The following DGKK variants were observed in gnomAD, a reference collection of about 807,000 sequenced individuals.
DGKK encodes 142 kDa diacylglycerol kinase.
In DGKK, 35 loss-of-function variants were observed where a neutral mutation model predicts 92.2. That is an observed-to-expected ratio of 0.38 (90% CI 0.29 to 0.50). The LOEUF is 0.50. DGKK is among the 20% of genes least tolerant of loss of function. The pLI, the probability that DGKK is intolerant of heterozygous loss-of-function variation, is 0.92. For synonymous variants in DGKK, 368 were observed against 360.6 expected (o/e 1.02, Z -0.23); for missense variants, 910 against 992.2 (o/e 0.92, Z 1.11).
chrX:50,369,213 C>T (rs1924049595), intron 27 of DGKK, among the ~76,000 whole-genome samples, 194 bp from the exon 28 acceptor site: 2 of 111,071 alleles, frequency 1.8e-5, no homozygotes, highest in South Asian at 7.7e-4. Context: ...GATGAATTTT[C>T]AGAACCTGAT....
intron 1 of DGKK, among the ~76,000 whole-genome samples, chrX:50,440,455 T>C (rs1557231191): frequency 8.9e-6 from 1 of 111,880 alleles, no homozygotes; most frequent in Non-Finnish European, 1.9e-5. Context: ...TCTACAATTA[T>C]ATACTACGTA....
chrX:50,444,793 CT>C (rs200661074), intron 1 of DGKK, among the ~76,000 whole-genome samples: 6,127 of 110,422 alleles, frequency 0.055, 442 homozygotes, highest in African/African-American at 0.19. Flanking sequence ...ATTTATATTC[CT>C]TTGGGTATAT....
chrX:50,411,352 AG>A (rs1557227937), intron 4 of DGKK, among the ~76,000 whole-genome samples: 4 of 112,609 alleles, frequency 3.6e-5, no homozygotes, highest in African/African-American at 1.3e-4. Context: ...ATACATAAAA[AG>A]AATCATTTAC....
At chrX:50,371,682 A>G in intron 26 of DGKK, 42 bp downstream of exon 26, 3 of 972,281 alleles carry the variant, frequency 3.1e-6, no homozygotes, top group African/African-American at 1.9e-5. Flanking sequence ...CTAAGGAAGA[A>G]TCCCTCTTTC....
At chrX:50,408,927 A>G (rs1925237830) in intron 4 of DGKK, among the ~76,000 whole-genome samples, 1 of 111,317 alleles carries the variant, frequency 9.0e-6, no homozygotes, top group Non-Finnish European at 1.9e-5. Context: ...CAGTGAATGT[A>G]TTTTGCACAT....
At position 50,403,622 on chromosome X, in the gene DGKK, T is replaced by C. The variant is rs138388538; in HGVS notation, c.1079-25A>G. Reference sequence around the variant, plus strand: ...ACTGTGAGAAGAGGAAGAGAAAAGATGGGTGTGAATCTGGTGACAGTGAGG... The same window carrying C: ...ACTGTGAGAAGAGGAAGAGAAAAGACGGGTGTGAATCTGGTGACAGTGAGG... On this transcript the variant is annotated intron_variant, in intron 5 of 27. Coordinates refer to ENST00000611977, the MANE Select transcript of DGKK (RefSeq NM_001013742.4). The C allele has an allele frequency of 3.3e-3, 3,761 of 1,128,614 alleles. 73 individuals are homozygous for C. In the African/African-American group the frequency reaches 0.06, roughly 18 times the overall value. The allele number at this position is 1,128,614 out of a possible 1,213,427, so 93.0% of individuals were successfully genotyped here.
At chrX:50,404,443 A>C (rs1046986907) in intron 4 of DGKK, among the ~76,000 whole-genome samples, 2 of 102,701 alleles carry the variant, frequency 1.9e-5, no homozygotes, top group African/African-American at 7.3e-5. Flanking sequence ...AGGAGTAATT[A>C]TCTTTTTTTT....
At chrX:50,467,358 A>G (rs1263692769) in intron 1 of DGKK, among the ~76,000 whole-genome samples, 1 of 113,013 alleles carries the variant, frequency 8.8e-6, no homozygotes, top group African/African-American at 3.2e-5. Flanking sequence ...AGAGCAGACT[A>G]CAAGGCTGAA....
At chrX:50,446,016 C>T (rs782611155) in intron 1 of DGKK, among the ~76,000 whole-genome samples, 1 of 111,096 alleles carries the variant, frequency 9.0e-6, no homozygotes, top group Admixed American at 9.6e-5. Flanking sequence ...TAGCTGTATT[C>T]TTAGGTATTT....
intron 4 of DGKK, among the ~76,000 whole-genome samples, chrX:50,413,852 T>C (rs1410494447): frequency 8.9e-6 from 1 of 111,958 alleles, no homozygotes; most frequent in East Asian, 2.8e-4. Flanking sequence ...TAGTTCCATT[T>C]CTAGGTATAT....
intron 1 of DGKK, among the ~76,000 whole-genome samples, chrX:50,451,086 A>C (rs1255891642): frequency 1.8e-5 from 2 of 111,537 alleles, no homozygotes; most frequent in African/African-American, 6.5e-5. Flanking sequence ...GAGGGGTGGC[A>C]GGGAGGAAGG....
intron 22 of DGKK, 139 bp downstream of exon 22, chrX:50,377,959 A>T: frequency 1.3e-6 from 1 of 774,427 alleles, no homozygotes; most frequent in South Asian, 2.8e-5. Context: ...ATGCATTTAT[A>T]ACCAGCATCT....
chrX:50,369,708 C>A (rs1557222912), intron 27 of DGKK, among the ~76,000 whole-genome samples: 1 of 110,818 alleles, frequency 9.0e-6, no homozygotes. Context: ...ACTACAAACG[C>A]ACACCATCAT....
Position 50,403,524 on chromosome X carries a change from G to A in DGKK, c.1152C>T (p.Ile384=), listed in dbSNP as rs782010122. The A allele has an allele frequency of 5.1e-5, 62 of 1,208,945 alleles. No homozygotes were observed. The South Asian group carries it at 1.1e-3, about 21-fold the overall frequency. ...SKDCKWNTLS[I]TDDLLLPADE... is the part of the protein sequence containing the mutation. ...CTGCAGGCAGAAGGAGGTCATCAGT[G>A]ATAGACAATGTATTCCACTTGCAGT... Residue 384 remains isoleucine, a synonymous_variant, in exon 6 of 28, where the codon ATC becomes ATT. Coordinates refer to ENST00000611977, the MANE Select transcript of DGKK (RefSeq NM_001013742.4).
In DGKK at chrX:50,403,166, C is replaced by A; in HGVS notation, c.1203G>T (p.Trp401Cys). 8.3e-7 allele frequency: 1 copy of A among 1,198,348 alleles called. No individual in the cohort carries two copies. Among genetic ancestry groups the A allele is most frequent in the Non-Finnish European group, 1.1e-6 (1 of 887,810 alleles). ...AGCTGACAGGCATGTTTCCTTCTACCCATTGATGGGGCATGTTCTGCAGAA... is the reference window on the plus strand; with the variant it reads ...AGCTGACAGGCATGTTTCCTTCTACACATTGATGGGGCATGTTCTGCAGAA... ...PADEVNMPHQ[W>C]VEGNMPVSSQ... is the part of the protein sequence containing the mutation. The change falls in exon 7 of 28, where the codon TGG (tryptophan) becomes TGT (cysteine). Residue 401 changes from tryptophan to cysteine, a missense_variant. Coordinates refer to ENST00000611977, the MANE Select transcript of DGKK (RefSeq NM_001013742.4).
rs187460659 is a variant in DGKK at position 50,467,410 on chromosome X, C to G, written c.645+2624G>C. 2.4e-3 allele frequency among the ~76,000 whole-genome samples: 275 copies of G among 113,005 alleles called. 1 individual carries two copies. The highest frequency in any genetic ancestry group is 4.2e-3 in the Non-Finnish European group (226 of 53,363). Reference sequence around the variant, plus strand: ...CTACAATACCAGTCAACAAAATTATCTGGGAGAAACTTGCAGTCATATTCA... The same window carrying G: ...CTACAATACCAGTCAACAAAATTATGTGGGAGAAACTTGCAGTCATATTCA... On this transcript the variant is annotated intron_variant, in intron 1 of 27. Transcript: ENST00000611977.
intron 1 of DGKK, among the ~76,000 whole-genome samples, chrX:50,435,012 T>C: frequency 8.9e-6 from 1 of 112,503 alleles, no homozygotes; most frequent in East Asian, 2.8e-4. Flanking sequence ...CTAGGCTATA[T>C]GGCATAAACT....
At chrX:50,406,184 T>C (rs1483898765) in intron 4 of DGKK, among the ~76,000 whole-genome samples, 1 of 112,128 alleles carries the variant, frequency 8.9e-6, no homozygotes, top group Non-Finnish European at 1.9e-5. Flanking sequence ...GAGCTCTGCC[T>C]GGGTATAATA....
intron 4 of DGKK, among the ~76,000 whole-genome samples, chrX:50,416,419 G>A (rs2147134481): frequency 8.9e-6 from 1 of 112,222 alleles, no homozygotes; most frequent in South Asian, 3.7e-4. Context: ...CCAAATGTGA[G>A]GATTTAGTAA....
Sources: allele counts gnomAD v4.1 joint callset (sites outside exome capture counted in the v4.1 genomes callset), GRCh38; gene constraint gnomAD v4.1.1; transcripts MANE v1.5; gene names NCBI Gene and HGNC (gene_info 2026-07-23, HGNC 2026-07-21).